Variants in CHD1L observed in about 807,000 individuals in gnomAD.
The protein encoded by CHD1L is chromodomain helicase DNA binding protein 1 like.
A neutral mutation model predicts 115.9 loss-of-function variants in CHD1L; 118 were observed. The observed-to-expected ratio is 1.02, with a 90% CI of 0.88 to 1.19. The LOEUF is 1.19. Ranked by LOEUF, CHD1L falls within the 50% of genes most tolerant of loss-of-function variation. The pLI is 0.00. For missense variants in CHD1L, 1,179 were observed against 1,065.3 expected (o/e 1.11, Z -1.49); for synonymous variants, 411 against 387.1 (o/e 1.06, Z -0.72).
intron 1 of CHD1L, among the ~76,000 whole-genome samples, chr1:147,246,965 A>C (rs1666821903): frequency 1.3e-5 from 2 of 152,168 alleles, no homozygotes; most frequent in Admixed American, 6.5e-5. Flanking sequence ...TTCTTATTTA[A>C]GTCCATGATC....
At chr1:147,187,204 A>G in the CHD1L span, 18 of 1,613,804 alleles carry the variant, frequency 1.1e-5, no homozygotes, top group Admixed American at 1.7e-5. Flanking sequence ...CATGGTATCT[A>G]TGTAGTCTCC....
At position 147,264,517 on chromosome 1, in the gene CHD1L, CTT is replaced by C; in HGVS notation, c.675_676del (p.Ser226GlnfsTer15). 1 of 1,614,100 alleles carries C rather than the reference CTT, an allele frequency of 6.2e-7. No individual in the cohort carries two copies. The highest frequency in any genetic ancestry group is 8.5e-7 in the Non-Finnish European group (1 of 1,179,982). On this transcript the variant is annotated frameshift_variant, in exon 7 of 23. Transcript: ENST00000369258. LOFTEE classifies it high-confidence loss of function. The stretch of plus-strand genomic sequence containing the variant: ...TCCTCAGTTTTGTGGAGCCTGATCT[CTT>C]TTCCAAGGAAGAGGTGGGAGATTTT... Reference protein sequence around the residue: ...SLLSFVEPDLFSKEEVGDFIQ... With the variant: ...SLLSFVEPDLXSKEEVGDFIQ...
the CHD1L span, chr1:147,209,027 C>T: frequency 3.1e-6 from 5 of 1,613,986 alleles, no homozygotes; most frequent in African/African-American, 6.7e-5. Context: ...AGGATCCAAG[C>T]CCCTCTCCTG....
chr1:147,255,474 G>A lies in CHD1L; in HGVS notation c.348-339G>A, dbSNP rs185846066. On this transcript the variant is annotated intron_variant, in intron 3 of 22. Transcript: ENST00000369258. Reference sequence around the variant, plus strand: ...ACTCCCGACCTCATGTGATCTGCCCGCCTTAGCTTCCCAAAGTGCTGGGAT... The same window carrying A: ...ACTCCCGACCTCATGTGATCTGCCCACCTTAGCTTCCCAAAGTGCTGGGAT... 4.4e-3 allele frequency among the ~76,000 whole-genome samples: 668 copies of A among 152,236 alleles called. 5 individuals carry two copies. Among genetic ancestry groups the A allele is most frequent in the African/African-American group, 0.015 (643 of 41,538 alleles).
the CHD1L span, among the ~76,000 whole-genome samples, chr1:147,233,604 T>C: frequency 1.0e-3 from 156 of 152,180 alleles, no homozygotes; most frequent in African/African-American, 3.6e-3. Flanking sequence ...GCACCCAACA[T>C]GCTCATTGAG....
At chr1:147,196,456 T>C in the CHD1L span, among the ~76,000 whole-genome samples, 5,600 of 152,020 alleles carry the variant, frequency 0.037, 158 homozygotes, top group South Asian at 0.095. Context: ...GGTATATTTC[T>C]TGATTGTGGG....
In CHD1L at chr1:147,252,501, C is replaced by T. The variant is rs201933999; in HGVS notation, c.128-122C>T. On this transcript the variant is annotated intron_variant, in intron 1 of 22. Transcript: ENST00000369258. ...ATCCATAACTCCTCAGCAAAAGATA[C>T]GTCCAGTGAGGTTTAGGGTTATGTG... is the stretch of plus-strand genomic sequence containing the variant. 97 of 656,388 alleles carry T rather than the reference C, an allele frequency of 1.5e-4. 1 individual carries two copies. Among genetic ancestry groups the T allele is most frequent in the Non-Finnish European group, 3.6e-5 (14 of 390,552 alleles). The allele number at this position is 656,388 out of a possible 1,614,324, so 40.7% of individuals were successfully genotyped here.
Position 147,285,324 on chromosome 1 carries a change from G to A in CHD1L, c.1855G>A (p.Val619Ile), listed in dbSNP as rs1682641236. The A allele has an allele frequency of 6.2e-7, 1 of 1,609,088 alleles. No homozygotes were observed. Among genetic ancestry groups the A allele is most frequent in the African/African-American group, 1.3e-5 (1 of 74,528 alleles). ...EGRSLRNKGS[V>I]LIPGLVEGST... Reference sequence around the variant, plus strand: ...GTGATGGATCTTGTTCTTCCTCTAGGTTCTCATCCCAGGCCTTGTGGAGGG... The same window carrying A: ...GTGATGGATCTTGTTCTTCCTCTAGATTCTCATCCCAGGCCTTGTGGAGGG... Residue 619 changes from valine to isoleucine, a missense_variant and splice_region_variant, in exon 17 of 23, where the codon GTT becomes ATT. By Grantham distance (29) the Val-to-Ile change is conservative (BLOSUM62 3). Coordinates refer to ENST00000369258, the MANE Select transcript of CHD1L (RefSeq NM_004284.6).
At chr1:147,242,900 G>T (rs1449946649) in intron 1 of CHD1L, 70 bp downstream of exon 1, 13 of 1,237,728 alleles carry the variant, frequency 1.1e-5, no homozygotes, top group South Asian at 8.2e-5. Flanking sequence ...CGGGCCGGGG[G>T]CGCAGCGGGT....
the CHD1L span, among the ~76,000 whole-genome samples, chr1:147,176,730 A>G: frequency 2.0e-5 from 3 of 152,204 alleles, no homozygotes; most frequent in African/African-American, 7.2e-5. Flanking sequence ...TCTACTATGT[A>G]TATATCATCA....
intron 22 of CHD1L, 52 bp downstream of exon 22, chr1:147,294,569 GTGTT>G: frequency 7.0e-7 from 1 of 1,432,400 alleles, no homozygotes; most frequent in Non-Finnish European, 9.7e-7. Flanking sequence ...GAGGGAAAAT[GTGTT>G]CATTTTCTGG....
intron 12 of CHD1L, among the ~76,000 whole-genome samples, chr1:147,273,551 G>A (rs1485445843): frequency 6.6e-6 from 1 of 152,196 alleles, no homozygotes; most frequent in Non-Finnish European, 1.5e-5. Flanking sequence ...ATTTTCTCAT[G>A]TGATCAGTTG....
intron 13 of CHD1L, among the ~76,000 whole-genome samples, chr1:147,275,750 A>G (rs1334081323): frequency 6.6e-6 from 1 of 150,980 alleles, no homozygotes; most frequent in Non-Finnish European, 1.5e-5. Flanking sequence ...GACTCAGTTA[A>G]AAAATGGGGT....
At chr1:147,198,850 CAAAAAAAAAAA>C in the CHD1L span, among the ~76,000 whole-genome samples, 173 of 51,784 alleles carry the variant, frequency 3.3e-3, 1 homozygote, top group African/African-American at 0.012. Context: ...GACTGCATCT[CAAAAAAAAAAA>C]AAAAAAAAAA....
chr1:147,258,461 T>A (rs1670831583), intron 5 of CHD1L, among the ~76,000 whole-genome samples: 1 of 152,212 alleles, frequency 6.6e-6, no homozygotes, highest in South Asian at 2.1e-4. Flanking sequence ...GGCACCATCC[T>A]AGAGAAACTT....
At chr1:147,273,260 G>A (rs587721494) in intron 12 of CHD1L, among the ~76,000 whole-genome samples, 1 of 152,200 alleles carries the variant, frequency 6.6e-6, no homozygotes, top group African/African-American at 2.4e-5. Context: ...TATTTTTGTA[G>A]ACATAAATCT....
Position 147,252,715 on chromosome 1 carries a change from G to C in CHD1L, c.220G>C (p.Gly74Arg). 6.2e-7 allele frequency: 1 copy of C among 1,613,904 alleles called. No homozygotes were observed. Among genetic ancestry groups the C allele is most frequent in the Non-Finnish European group, 8.5e-7 (1 of 1,179,914 alleles). ...QNGCILGDEM[G>R]LGKTCQTIAL... ...TGGCTGTATCCTGGGAGATGAGATG[G>C]GCCTGGGGAAGACCTGCCAGGTGTG... Residue 74 changes from glycine (G) to arginine (R), a missense_variant, in exon 2 of 23, where the codon GGC becomes CGC. Transcript: ENST00000369258.
In CHD1L at chr1:147,280,045, T is replaced by A; in HGVS notation, c.1559T>A (p.Phe520Tyr). The change falls in exon 15 of 23, where the codon TTT (phenylalanine) becomes TAT (tyrosine). Residue 520 changes from phenylalanine to tyrosine, a missense_variant. Coordinates refer to ENST00000369258, the MANE Select transcript of CHD1L (RefSeq NM_004284.6). ...TTCAAGTTGAGTGAGATACTCAAATTTGGTTTGGATAAACTGCTGGCCTCT... is the reference window on the plus strand; with the variant it reads ...TTCAAGTTGAGTGAGATACTCAAATATGGTTTGGATAAACTGCTGGCCTCT... ...ADLQLSEILKFGLDKLLASEG... is the reference protein window; with the variant it reads ...ADLQLSEILKYGLDKLLASEG... The A allele has an allele frequency of 6.2e-7, 1 of 1,614,016 alleles. No homozygotes were observed. Among genetic ancestry groups the A allele is most frequent in the Non-Finnish European group, 8.5e-7 (1 of 1,180,018 alleles).
At chr1:147,193,924 C>T in the CHD1L span, among the ~76,000 whole-genome samples, 3 of 151,992 alleles carry the variant, frequency 2.0e-5, no homozygotes, top group Non-Finnish European at 4.4e-5. Context: ...GCTTTACTTC[C>T]AACTATGTGA....
Sources: allele counts gnomAD v4.1 joint callset (sites outside exome capture counted in the v4.1 genomes callset), GRCh38; gene constraint gnomAD v4.1.1; transcripts MANE v1.5; gene names NCBI Gene and HGNC (gene_info 2026-07-23, HGNC 2026-07-21).